The following STK32C variants were observed in gnomAD, a reference collection of about 807,000 sequenced individuals.
STK32C encodes serine/threonine-protein kinase 32C.
STK32C carries 31 observed loss-of-function variants against 56.5 expected under a neutral mutation model. That is an observed-to-expected ratio of 0.55 (90% confidence interval 0.41 to 0.74). The LOEUF (loss-of-function observed/expected upper bound fraction) is 0.74. STK32C is among the 30% of genes least tolerant of loss of function. The pLI is 0.00. For missense variants in STK32C, 544 were observed against 676.9 expected (o/e 0.80, Z 2.18); for synonymous variants, 309 against 289.4 (o/e 1.07, Z -0.69).
intron 1 of STK32C, among the ~76,000 whole-genome samples, chr10:132,328,328 G>A (rs61864505): frequency 8.5e-4 from 129 of 152,120 alleles, no homozygotes; most frequent in Admixed American, 1.8e-3. Flanking sequence ...CCGAACTGCC[G>A]GAGCGAGATT....
At chr10:132,309,077 C>G (rs1031873282), upstream of STK32C, among the ~76,000 whole-genome samples, 1 of 152,206 alleles carries the variant, frequency 6.6e-6, no homozygotes, top group East Asian at 1.9e-4. Context: ...GGACGATGAG[C>G]GGATCCCCAA....
rs77455354 is a variant in STK32C, at chr10:132,226,978, C to T, written c.471-10G>A. 2.9e-3 allele frequency: 4,648 copies of T among 1,612,882 alleles called. 147 individuals are homozygous for T. In the East Asian group the frequency reaches 0.074, roughly 26 times the overall value. On this transcript the variant is annotated splice_polypyrimidine_tract_variant and intron_variant, in intron 3 of 11. Coordinates refer to ENST00000298630, the MANE Select transcript of STK32C (RefSeq NM_173575.4). ...GTCCTGGAAGGAGTACCTGTGGGCA[C>T]CGATGGAAGGCCTGTTGTGCGCACA...
intron 2 of STK32C, among the ~76,000 whole-genome samples, chr10:132,234,700 G>C (rs572066190): frequency 3.3e-4 from 51 of 152,346 alleles, no homozygotes; most frequent in African/African-American, 1.2e-3. Flanking sequence ...TGTCAGTCAG[G>C]GACCACCTCT....
At chr10:132,256,930 G>T (rs943141243) in intron 1 of STK32C, among the ~76,000 whole-genome samples, 1 of 152,184 alleles carries the variant, frequency 6.6e-6, no homozygotes, top group African/African-American at 2.4e-5. Context: ...CCTAGCCAGT[G>T]GGGGGGACGC....
chr10:132,311,183 C>T (rs1369742381), upstream of STK32C, among the ~76,000 whole-genome samples: 1 of 152,226 alleles, frequency 6.6e-6, no homozygotes, highest in East Asian at 1.9e-4. The surrounding 1 kb of genome is among the most constrained non-coding windows in gnomAD (Gnocchi z 4.4). Flanking sequence ...TGTGCTTCAT[C>T]TTCTGTCATC....
chr10:132,322,211 A>G (rs1217366964), downstream of STK32C, among the ~76,000 whole-genome samples: 3 of 152,084 alleles, frequency 2.0e-5, no homozygotes, highest in Non-Finnish European at 4.4e-5. Context: ...TTTCTCCTCT[A>G]CTGTGAGCTA....
At chr10:132,225,469 C>G (rs766430006) in intron 6 of STK32C, 58 bp downstream of exon 6, 4 of 1,607,366 alleles carry the variant, frequency 2.5e-6, no homozygotes, top group Non-Finnish European at 3.4e-6. Context: ...CCACCGAGGT[C>G]TTGTCCTTCC....
intron 1 of STK32C, among the ~76,000 whole-genome samples, chr10:132,298,473 G>A (rs1403096648): frequency 1.3e-5 from 2 of 152,186 alleles, no homozygotes; most frequent in Non-Finnish European, 2.9e-5. Flanking sequence ...CTTCCGATGC[G>A]GGGTCCAGCT....
chr10:132,269,600 C>T (rs571362526), intron 1 of STK32C, among the ~76,000 whole-genome samples: 96 of 152,318 alleles, frequency 6.3e-4, no homozygotes, highest in African/African-American at 2.0e-3. Flanking sequence ...GAAGGCTGCT[C>T]GGGGCTAACA....
intron 1 of STK32C, among the ~76,000 whole-genome samples, chr10:132,278,724 C>T (rs2065062467): frequency 6.9e-6 from 1 of 144,588 alleles, no homozygotes; most frequent in African/African-American, 2.6e-5. Context: ...CGCGCCACTG[C>T]ACTCCAGCCT....
chr10:132,324,031 T>C, downstream of STK32C: 1 of 580,626 alleles, frequency 1.7e-6, no homozygotes, highest in South Asian at 2.1e-5. Flanking sequence ...CATTAATCTC[T>C]TAATGGCCTA....
At chr10:132,330,546 C>A in intron 1 of STK32C, 1 of 715,440 alleles carries the variant, frequency 1.4e-6, no homozygotes, top group South Asian at 1.5e-5. Context: ...GTCTCGCTGT[C>A]ACCGAAGCTG....
intron 1 of STK32C, among the ~76,000 whole-genome samples, chr10:132,275,269 C>T (rs2064961526): frequency 6.6e-6 from 1 of 152,218 alleles, no homozygotes. Context: ...GACAGCCCCA[C>T]AGGGCCGCTG....
At chr10:132,331,889 C>G (rs1314628127), upstream of STK32C, 1 of 1,060,820 alleles carries the variant, frequency 9.4e-7, no homozygotes, top group Non-Finnish European at 1.3e-6. Context: ...GCACCACCCC[C>G]TGCCACCCCC....
chr10:132,227,908 G>A, intron 3 of STK32C, 69 bp downstream of exon 3: 1 of 1,569,084 alleles, frequency 6.4e-7, no homozygotes, highest in South Asian at 1.2e-5. Flanking sequence ...AAGGGCAGGA[G>A]AGGATAGCCA....
chr10:132,252,085 G>C (rs558185745), intron 1 of STK32C, among the ~76,000 whole-genome samples: 2 of 152,368 alleles, frequency 1.3e-5, no homozygotes, highest in African/African-American at 4.8e-5. Flanking sequence ...GGCCCCTCAG[G>C]GCTGGACTTT....
At chr10:132,235,564 A>G (rs1019860856) in intron 2 of STK32C, among the ~76,000 whole-genome samples, 2 of 150,786 alleles carry the variant, frequency 1.3e-5, no homozygotes, top group South Asian at 2.1e-4. Flanking sequence ...TCTTTTTTAC[A>G]AGGGATATTT....
chr10:132,282,297 C>T (rs916272593), intron 1 of STK32C, among the ~76,000 whole-genome samples: 3 of 152,250 alleles, frequency 2.0e-5, no homozygotes, highest in Non-Finnish European at 4.4e-5. Flanking sequence ...GCGCCAGCTT[C>T]CCCAGGCCGT....
rs946249427 is a variant in STK32C at position 132,208,261 on chromosome 10, C to T, written c.1320-110G>A. The T allele has an allele frequency of 8.3e-5, 100 of 1,209,288 alleles. No homozygotes were observed. The East Asian group carries it at 1.3e-3, about 16-fold the overall frequency. The allele number at this position is 1,209,288 out of a possible 1,614,324, so 74.9% of individuals were successfully genotyped here. On this transcript the variant is annotated intron_variant, in intron 11 of 11. Transcript: ENST00000298630. ...GTAGGCCATGGCGTGGATGCCCAAA[C>T]GTGGGCCACAGGCTCGGTGTCTGCT...
Sources: allele counts gnomAD v4.1 joint callset (sites outside exome capture counted in the v4.1 genomes callset), GRCh38; gene constraint gnomAD v4.1.1; non-coding constraint Gnocchi (gnomAD v3.1); transcripts MANE v1.5; gene names NCBI Gene and HGNC (gene_info 2026-07-23, HGNC 2026-07-21).